The following LSAMP variants were observed in gnomAD, a reference collection of about 807,000 sequenced individuals.
The protein encoded by LSAMP is limbic system associated membrane protein.
Under a neutral mutation model 38.6 loss-of-function variants are expected in LSAMP, and 7 were observed. The ratio of observed to expected loss-of-function variants is 0.18; its 90% CI spans 0.10 to 0.34. The LOEUF is 0.34. Among genes scored for constraint, LSAMP ranks in the 10% least tolerant of loss-of-function variants. The pLI is 1.00. For synonymous variants in LSAMP, 154 were observed against 166.8 expected, an observed-to-expected ratio of 0.92 and a Z score of 0.59; for missense variants, 313 against 420.0, an observed-to-expected ratio of 0.75 and a Z score of 2.23.
intron 1 of LSAMP, among the ~76,000 whole-genome samples, chr3:116,389,810 C>A (rs1268995568): frequency 6.6e-6 from 1 of 152,062 alleles, no homozygotes; most frequent in Admixed American, 6.5e-5. Flanking sequence ...ATAACTATCA[C>A]TAATTCTGTG....
At chr3:116,395,921 G>A (rs1221955895) in intron 1 of LSAMP, among the ~76,000 whole-genome samples, 1 of 151,994 alleles carries the variant, frequency 6.6e-6, no homozygotes, top group East Asian at 1.9e-4. Flanking sequence ...GCTTCATAAT[G>A]GACAGAAGTG....
At chr3:115,853,844 C>A (rs1325950308) in intron 3 of LSAMP, among the ~76,000 whole-genome samples, 1 of 152,192 alleles carries the variant, frequency 6.6e-6, no homozygotes, top group Non-Finnish European at 1.5e-5. Flanking sequence ...AATCACGATG[C>A]TCCTGGTCAT....
At chr3:115,854,279 ATTATT>A (rs1221841692) in intron 3 of LSAMP, among the ~76,000 whole-genome samples, 400 of 116,272 alleles carry the variant, frequency 3.4e-3, no homozygotes, top group African/African-American at 0.012. Flanking sequence ...TATTATTATT[ATTATT>A]TTTTTTTTTT....
At chr3:116,261,949 T>TTAAAG (rs1425075066) in intron 1 of LSAMP, among the ~76,000 whole-genome samples, 1 of 151,108 alleles carries the variant, frequency 6.6e-6, no homozygotes, top group African/African-American at 2.4e-5. Flanking sequence ...TTTTTCTAAA[T>TTAAAG]TAAAGTAAGA....
chr3:116,427,321 C>G (rs2049213447), intron 1 of LSAMP, among the ~76,000 whole-genome samples: 1 of 151,562 alleles, frequency 6.6e-6, no homozygotes, highest in East Asian at 1.9e-4. Context: ...GGGGTTTCAC[C>G]TTGTTAGCCA....
At chr3:116,308,426 A>T (rs1208950487) in intron 1 of LSAMP, among the ~76,000 whole-genome samples, 1 of 152,052 alleles carries the variant, frequency 6.6e-6, no homozygotes, top group African/African-American at 2.4e-5. Flanking sequence ...ACAGACAATA[A>T]TTGCTCAGTC....
At chr3:115,871,888 T>C (rs2107398470) in intron 3 of LSAMP, among the ~76,000 whole-genome samples, 1 of 152,202 alleles carries the variant, frequency 6.6e-6, no homozygotes, top group African/African-American at 2.4e-5. Flanking sequence ...CCAACTGGAC[T>C]CAAAAATATT....
At chr3:116,347,610 G>T (rs2048080577) in intron 1 of LSAMP, among the ~76,000 whole-genome samples, 1 of 151,942 alleles carries the variant, frequency 6.6e-6, no homozygotes, top group Admixed American at 6.6e-5. Context: ...TGGAATTCAA[G>T]AATTTCTATT....
rs56951507 is a variant in LSAMP at position 116,031,538 on chromosome 3, C to CTTTTTTTTTTTT, written c.389-11910_389-11899dup. ...CATGCCTACATAACTAGCCTAAATT[C>CTTTTTTTTTTTT]TTTTTTTTTTTTTTTTTTTTTTTTT... On this transcript the variant is annotated intron_variant, in intron 2 of 6. Transcript: ENST00000490035. 2.7e-4 allele frequency among the ~76,000 whole-genome samples: 16 copies of CTTTTTTTTTTTT among 60,234 alleles called. 2 individuals carry two copies. Among genetic ancestry groups the CTTTTTTTTTTTT allele is most frequent in the Admixed American group, 4.7e-4 (2 of 4,292 alleles). The allele number at this position is 60,234 out of a possible 152,430, so 39.5% of individuals were successfully genotyped here. A position where few individuals can be genotyped will look rare whatever the true frequency, so the allele number is the denominator to read the frequency against.
At chr3:116,385,149 G>A (rs541834558) in intron 1 of LSAMP, among the ~76,000 whole-genome samples, 2 of 151,406 alleles carry the variant, frequency 1.3e-5, no homozygotes, top group Admixed American at 6.6e-5. Context: ...AAAAGGAAAC[G>A]CTATGTTTAT....
intron 1 of LSAMP, among the ~76,000 whole-genome samples, chr3:116,108,218 G>C (rs1308378075): frequency 1.3e-5 from 2 of 152,096 alleles, no homozygotes; most frequent in Non-Finnish European, 2.9e-5. Context: ...TGGGAAGAAG[G>C]GCAGCAATGA....
At chr3:116,401,297 TC>T (rs1200723474) in intron 1 of LSAMP, among the ~76,000 whole-genome samples, 2 of 152,122 alleles carry the variant, frequency 1.3e-5, no homozygotes, top group African/African-American at 4.8e-5. Context: ...ATTTTTTTTT[TC>T]TGAGATAGGG....
chr3:116,155,215 T>G (rs1216269561), intron 1 of LSAMP, among the ~76,000 whole-genome samples: 1 of 151,600 alleles, frequency 6.6e-6, no homozygotes, highest in East Asian at 1.9e-4. Context: ...TTGAGGTCTG[T>G]TTTTTTTGTT....
chr3:116,019,456 A>C lies in LSAMP; in HGVS notation c.514+59T>G, dbSNP rs1940576538. The C allele has an allele frequency of 1.5e-5, 23 of 1,574,774 alleles. No individual in the cohort carries two copies. The East Asian group carries it at 5.3e-4, about 36-fold the overall frequency. ...GAAATTTCTGATTCAGCAGAATTCC[A>C]GGAGCATGAGCATATTTTAAACAGC... is the stretch of plus-strand genomic sequence containing the variant. On this transcript the variant is annotated intron_variant, in intron 3 of 6. Coordinates refer to ENST00000490035, the MANE Select transcript of LSAMP (RefSeq NM_002338.5).
At chr3:116,409,447 TA>T (rs1488393554) in intron 1 of LSAMP, among the ~76,000 whole-genome samples, 1 of 152,022 alleles carries the variant, frequency 6.6e-6, no homozygotes, top group Non-Finnish European at 1.5e-5. Flanking sequence ...AAAATAAAGG[TA>T]ACCTGCTCCA....
chr3:116,271,747 G>T (rs191120116), intron 1 of LSAMP, among the ~76,000 whole-genome samples: 1 of 152,080 alleles, frequency 6.6e-6, no homozygotes. Context: ...CGGATAGTGT[G>T]CCAATTTGTA....
intron 3 of LSAMP, among the ~76,000 whole-genome samples, chr3:115,907,815 CAG>C (rs1056975700): frequency 1.3e-5 from 2 of 152,060 alleles, no homozygotes; most frequent in East Asian, 1.9e-4. Context: ...GCTGAAGAAA[CAG>C]AGAGTTGTAT....
rs150885837 is a variant in LSAMP at position 116,378,330 on chromosome 3, A to C, written c.155+66547T>G. Among the ~76,000 whole-genome samples, 656 of 152,064 alleles carry C rather than the reference A, an allele frequency of 4.3e-3. 6 individuals carry two copies. The highest frequency in any genetic ancestry group is 0.015 in the African/African-American group (622 of 41,490). On this transcript the variant is annotated intron_variant, in intron 1 of 6. Transcript: ENST00000490035. Reference sequence around the variant, plus strand: ...AGACTCTTGCTGGCACACTAATTTTAGGTGATTTTGCAACCCATATGGACA... The same window carrying C: ...AGACTCTTGCTGGCACACTAATTTTCGGTGATTTTGCAACCCATATGGACA...
chr3:116,409,232 G>T (rs2048939831), intron 1 of LSAMP, among the ~76,000 whole-genome samples: 1 of 152,004 alleles, frequency 6.6e-6, no homozygotes, highest in Admixed American at 6.6e-5. Context: ...TGTAAGTCTG[G>T]TGTGGGCAAA....
Sources: allele counts gnomAD v4.1 joint callset (sites outside exome capture counted in the v4.1 genomes callset), GRCh38; gene constraint gnomAD v4.1.1; transcripts MANE v1.5; gene names NCBI Gene and HGNC (gene_info 2026-07-23, HGNC 2026-07-21).